The following DNM3 variants were observed in gnomAD, a reference collection of about 807,000 sequenced individuals.
DNM3 encodes the protein dynamin-3.
A neutral mutation model predicts 101.6 loss-of-function variants in DNM3; 47 were observed. The ratio of observed to expected loss-of-function variants is 0.46; its 90% CI spans 0.37 to 0.59. DNM3 has a LOEUF of 0.59. Among genes scored for constraint, DNM3 ranks in the 20% least tolerant of loss-of-function variants. The pLI, the probability that DNM3 is intolerant of heterozygous loss-of-function variation, is 0.00. For missense variants in DNM3, 849 were observed against 1,085.7 expected, an observed-to-expected ratio of 0.78 and a Z score of 3.06; for synonymous variants, 385 against 387.9, an observed-to-expected ratio of 0.99 and a Z score of 0.09.
intron 1 of DNM3, among the ~76,000 whole-genome samples, chr1:171,902,780 C>T (rs1274307638): frequency 1.3e-5 from 2 of 152,056 alleles, no homozygotes; most frequent in Admixed American, 1.3e-4. Context: ...CAATTTGCCA[C>T]GTAAAAGAAT....
chr1:172,413,025 T>C (rs1376072602), downstream of DNM3, among the ~76,000 whole-genome samples: 2 of 152,188 alleles, frequency 1.3e-5, no homozygotes, highest in Non-Finnish European at 2.9e-5. Flanking sequence ...AGAAGCACCA[T>C]GACAGTTTGC....
At chr1:172,291,994 A>C (rs1257174582) in intron 15 of DNM3, among the ~76,000 whole-genome samples, 2 of 152,228 alleles carry the variant, frequency 1.3e-5, no homozygotes, top group African/African-American at 4.8e-5. Context: ...ATGAAATATA[A>C]TAATGCTAAA....
intron 18 of DNM3, among the ~76,000 whole-genome samples, chr1:172,386,049 C>A (rs926635020): frequency 6.6e-6 from 1 of 152,190 alleles, no homozygotes; most frequent in Non-Finnish European, 1.5e-5. Flanking sequence ...ATTCTTGGAA[C>A]TTGTTTCTGT....
intron 15 of DNM3, among the ~76,000 whole-genome samples, chr1:172,279,837 T>C (rs1253472604): frequency 1.3e-5 from 2 of 152,184 alleles, no homozygotes; most frequent in African/African-American, 4.8e-5. Flanking sequence ...AGCCTCCTCC[T>C]TGCTGTTGTC....
chr1:172,172,113 G>A (rs2058983355), intron 14 of DNM3, among the ~76,000 whole-genome samples: 1 of 151,560 alleles, frequency 6.6e-6, no homozygotes, highest in Non-Finnish European at 1.5e-5. Context: ...ACAGGGAAAG[G>A]GTAGAGAGCC....
chr1:172,054,403 T>TGGTGGGCATCTC (rs1558492057), intron 10 of DNM3, among the ~76,000 whole-genome samples: 2 of 152,218 alleles, frequency 1.3e-5, no homozygotes, highest in Non-Finnish European at 2.9e-5. Context: ...GAAATTATTT[T>TGGTGGGCATCTC]GGTGGGCATC....
intron 1 of DNM3, among the ~76,000 whole-genome samples, chr1:171,876,380 T>G (rs1183732956): frequency 6.6e-6 from 1 of 152,192 alleles, no homozygotes; most frequent in Non-Finnish European, 1.5e-5. Flanking sequence ...TTCTTTCCTT[T>G]TTTTTCTTTT....
At chr1:172,228,779 A>G (rs1004966376) in intron 14 of DNM3, among the ~76,000 whole-genome samples, 3 of 152,166 alleles carry the variant, frequency 2.0e-5, no homozygotes, top group East Asian at 1.9e-4. Context: ...ATGTATTCAT[A>G]TAAGACTGCA....
intron 14 of DNM3, among the ~76,000 whole-genome samples, chr1:172,201,045 T>C (rs1572931441): frequency 6.6e-6 from 1 of 152,298 alleles, no homozygotes; most frequent in East Asian, 1.9e-4. Context: ...AATAGACTTC[T>C]TTTTTGGATG....
chr1:172,070,329 G>A (rs2052060923), intron 11 of DNM3, among the ~76,000 whole-genome samples: 1 of 152,062 alleles, frequency 6.6e-6, no homozygotes. Flanking sequence ...TAATGTCTTG[G>A]CCCCTCCTGG....
intron 2 of DNM3, among the ~76,000 whole-genome samples, chr1:171,987,056 C>T (rs2045313491): frequency 6.6e-6 from 1 of 152,058 alleles, no homozygotes; most frequent in Non-Finnish European, 1.5e-5. Flanking sequence ...TAAAATTTTA[C>T]ATTACAGGTA....
intron 14 of DNM3, among the ~76,000 whole-genome samples, chr1:172,211,969 T>C (rs2060529285): frequency 6.6e-6 from 1 of 152,120 alleles, no homozygotes; most frequent in African/African-American, 2.4e-5. Context: ...TGCTTTTACA[T>C]AATCAAGATC....
At chr1:172,044,571 G>A in intron 9 of DNM3, 119 bp downstream of exon 9, 1 of 777,270 alleles carries the variant, frequency 1.3e-6, no homozygotes, top group Non-Finnish European at 2.0e-6. Flanking sequence ...AGAGGTGGGA[G>A]TAAGAAACAG....
chr1:172,200,934 G>A (rs1239630035), intron 14 of DNM3, among the ~76,000 whole-genome samples: 1 of 152,052 alleles, frequency 6.6e-6, no homozygotes, highest in Non-Finnish European at 1.5e-5. Context: ...AGGACATATG[G>A]CACTCTGGCC....
intron 1 of DNM3, among the ~76,000 whole-genome samples, chr1:171,857,030 G>C (rs2033680760): frequency 6.6e-6 from 1 of 152,172 alleles, no homozygotes; most frequent in African/African-American, 2.4e-5. Context: ...AATTTTCTAT[G>C]TGACCTATGT....
chr1:172,061,814 A>C (rs993739615), intron 10 of DNM3, among the ~76,000 whole-genome samples: 1 of 152,076 alleles, frequency 6.6e-6, no homozygotes, highest in Non-Finnish European at 1.5e-5. Context: ...TAACCTGCAC[A>C]GTGTTCACAT....
At chr1:172,131,829 C>A in intron 14 of DNM3, 1 of 387,056 alleles carries the variant, frequency 2.6e-6, no homozygotes, top group Non-Finnish European at 5.1e-6. Flanking sequence ...TATGTAAAAG[C>A]ATGAATTATG....
chr1:172,203,213 G>A (rs1257596049), intron 14 of DNM3, among the ~76,000 whole-genome samples: 1 of 152,118 alleles, frequency 6.6e-6, no homozygotes, highest in East Asian at 1.9e-4. Context: ...TTGTTTAATT[G>A]AGGTACCTCG....
chr1:172,100,567 T>A (rs1316457205), intron 13 of DNM3, among the ~76,000 whole-genome samples: 2 of 152,204 alleles, frequency 1.3e-5, no homozygotes, highest in Admixed American at 1.3e-4. Flanking sequence ...CTCAGCTAAT[T>A]CCACCTTTTA....
Sources: gnomAD v4.1 joint callset for allele counts (sites outside exome capture counted in the v4.1 genomes callset) on GRCh38, gnomAD v4.1.1 for gene constraint, MANE v1.5 for transcripts, NCBI Gene and HGNC (gene_info 2026-07-23, HGNC 2026-07-21) for gene names.